Variants in GRB10 observed in about 807,000 individuals in gnomAD.
The protein encoded by GRB10 is growth factor receptor bound protein 10, also known as growth factor receptor-bound protein 10.
Under a neutral mutation model 80.9 loss-of-function variants are expected in GRB10, and 20 were observed. The observed-to-expected ratio is 0.25, with a 90% CI of 0.17 to 0.36. GRB10 has a LOEUF of 0.36. GRB10 is among the 10% of genes least tolerant of loss of function. The pLI, the probability that GRB10 is intolerant of heterozygous loss-of-function variation, is 1.00. For missense variants in GRB10, 548 were observed against 747.7 expected (o/e 0.73, Z 3.12); for synonymous variants, 291 against 291.5 (o/e 1.00, Z 0.02).
intron 4 of GRB10, among the ~76,000 whole-genome samples, 196 bp downstream of exon 4, chr7:50,732,076 G>A (rs2069859039): frequency 6.6e-6 from 1 of 152,206 alleles, no homozygotes; most frequent in African/African-American, 2.4e-5. Flanking sequence ...ATCTTACAAG[G>A]CAAAGCAAGA....
intron 3 of GRB10, among the ~76,000 whole-genome samples, chr7:50,734,941 G>A (rs967345327): frequency 2.0e-5 from 3 of 152,146 alleles, no homozygotes; most frequent in African/African-American, 4.8e-5. Context: ...ACATAGTATT[G>A]GAAGTCCTCG....
At chr7:50,624,668 T>C (rs2153588668) in intron 8 of GRB10, among the ~76,000 whole-genome samples, 1 of 152,232 alleles carries the variant, frequency 6.6e-6, no homozygotes, top group South Asian at 2.1e-4. Context: ...CAAAGTCCTC[T>C]GCAAACCCAG....
intron 3 of GRB10, among the ~76,000 whole-genome samples, chr7:50,736,003 A>G (rs974205325): frequency 5.9e-5 from 9 of 152,232 alleles, no homozygotes; most frequent in African/African-American, 2.2e-4. Context: ...AAACTTACTA[A>G]CGGCTGGGCA....
chr7:50,693,027 A>G (rs988251927), intron 5 of GRB10, among the ~76,000 whole-genome samples: 1 of 152,202 alleles, frequency 6.6e-6, no homozygotes, highest in African/African-American at 2.4e-5. Context: ...AGTCATCATC[A>G]GCATCATTAT....
chr7:50,641,516 C>G (rs1180119967), intron 7 of GRB10, among the ~76,000 whole-genome samples: 1 of 152,172 alleles, frequency 6.6e-6, no homozygotes, highest in African/African-American at 2.4e-5. Context: ...ACATTTAGAA[C>G]AGATAAGGAA....
At chr7:50,677,745 C>T (rs550697048) in intron 5 of GRB10, among the ~76,000 whole-genome samples, 2 of 152,288 alleles carry the variant, frequency 1.3e-5, no homozygotes, top group African/African-American at 4.8e-5. Flanking sequence ...CTCAGTGGGC[C>T]ATCTAAAAGT....
At chr7:50,693,698 G>C (rs1358988893) in intron 5 of GRB10, among the ~76,000 whole-genome samples, 1 of 152,110 alleles carries the variant, frequency 6.6e-6, no homozygotes, top group Non-Finnish European at 1.5e-5. Context: ...ACACAGCCCT[G>C]TTCTCCAGAC....
At chr7:50,778,540 G>A (rs1210910739) in intron 2 of GRB10, among the ~76,000 whole-genome samples, 3 of 152,198 alleles carry the variant, frequency 2.0e-5, no homozygotes, top group Non-Finnish European at 4.4e-5. Context: ...TCCACACAGT[G>A]GAGCCTTATA....
chr7:50,754,357 G>C (rs1008499005), intron 3 of GRB10, among the ~76,000 whole-genome samples: 16 of 152,218 alleles, frequency 1.1e-4, no homozygotes, highest in African/African-American at 3.9e-4. Flanking sequence ...GTGAGGAGAA[G>C]GGTGAAGGGC....
intron 4 of GRB10, among the ~76,000 whole-genome samples, chr7:50,721,601 CTT>C (rs1394319666): frequency 2.0e-5 from 3 of 152,208 alleles, no homozygotes; most frequent in South Asian, 2.1e-4. Flanking sequence ...TCTGTTAGCT[CTT>C]GTCTCTGCCC....
intron 5 of GRB10, among the ~76,000 whole-genome samples, chr7:50,691,804 G>A (rs922471164): frequency 6.6e-6 from 1 of 152,176 alleles, no homozygotes; most frequent in Non-Finnish European, 1.5e-5. Flanking sequence ...TGTCTGGGGT[G>A]GGGGCAGTCA....
chr7:50,636,233 C>T (rs2153601658), intron 7 of GRB10, among the ~76,000 whole-genome samples: 1 of 152,284 alleles, frequency 6.6e-6, no homozygotes, highest in Non-Finnish European at 1.5e-5. Context: ...CCCACCTCAG[C>T]CTCCCAAAGT....
At chr7:50,664,176 C>G (rs2059563771) in intron 7 of GRB10, among the ~76,000 whole-genome samples, 1 of 152,192 alleles carries the variant, frequency 6.6e-6, no homozygotes, top group Non-Finnish European at 1.5e-5. Flanking sequence ...GAGCTGACAC[C>G]CTCCTCACAC....
At chr7:50,722,624 G>C (rs914538621) in intron 4 of GRB10, among the ~76,000 whole-genome samples, 2 of 152,128 alleles carry the variant, frequency 1.3e-5, no homozygotes, top group African/African-American at 4.8e-5. Context: ...ATGCGAGCCA[G>C]GGTGACAGGG....
At chr7:50,701,394 C>T (rs990916144) in intron 5 of GRB10, among the ~76,000 whole-genome samples, 1 of 152,076 alleles carries the variant, frequency 6.6e-6, no homozygotes, top group Non-Finnish European at 1.5e-5. Flanking sequence ...GAGTTCGAGA[C>T]AAGCCTGGGA....
intron 7 of GRB10, among the ~76,000 whole-genome samples, chr7:50,649,755 G>C (rs1028895337): frequency 7.9e-5 from 12 of 152,132 alleles, no homozygotes; most frequent in African/African-American, 1.9e-4. Context: ...ATTGGAGAGG[G>C]AGAGTTGACT....
chr7:50,737,666 T>G (rs753678059), intron 3 of GRB10, among the ~76,000 whole-genome samples: 5 of 152,174 alleles, frequency 3.3e-5, no homozygotes, highest in Admixed American at 6.5e-5. Context: ...CTGGCCAACA[T>G]GGTGAAACCC....
intron 2 of GRB10, among the ~76,000 whole-genome samples, chr7:50,764,384 C>T (rs1396076992): frequency 2.0e-5 from 3 of 152,226 alleles, no homozygotes; most frequent in Admixed American, 2.0e-4. Flanking sequence ...AGGCCGAGAA[C>T]TCTATCTGTC....
At chr7:50,743,723 A>C (rs2072324954) in intron 3 of GRB10, among the ~76,000 whole-genome samples, 1 of 152,240 alleles carries the variant, frequency 6.6e-6, no homozygotes, top group Non-Finnish European at 1.5e-5. Flanking sequence ...AGAGGCCGAC[A>C]CCAGAAACTA....
Sources: allele counts gnomAD v4.1 joint callset (sites outside exome capture counted in the v4.1 genomes callset), GRCh38; gene constraint gnomAD v4.1.1; transcripts MANE v1.5; gene names NCBI Gene and HGNC (gene_info 2026-07-23, HGNC 2026-07-21).